SPIRE2: variants seen among roughly 807,000 people sequenced by gnomAD.
The protein encoded by SPIRE2 is protein spire homolog 2.
In SPIRE2, 76 loss-of-function variants were observed where a neutral mutation model predicts 80.7. The ratio of observed to expected loss-of-function variants is 0.94; its 90% confidence interval spans 0.78 to 1.14. The LOEUF (loss-of-function observed/expected upper bound fraction) is 1.14. SPIRE2 is among the 50% of genes most tolerant of loss of function. The pLI, the probability that SPIRE2 is intolerant of heterozygous loss-of-function variation, is 0.00. For synonymous variants in SPIRE2, 535 were observed against 432.6 expected, an observed-to-expected ratio of 1.24 and a Z score of -2.94; for missense variants, 1,196 against 1,015.3, an observed-to-expected ratio of 1.18 and a Z score of -2.42.
At chr16:89,849,797 G>A (rs1468795885) in intron 2 of SPIRE2, 6 of 274,016 alleles carry the variant, frequency 2.2e-5, no homozygotes, top group African/African-American at 9.2e-5. Flanking sequence ...TTAAGAGGTC[G>A]CTACTGTGAA....
In SPIRE2 at chr16:89,870,718, T is replaced by TG; in HGVS notation, c.*450dup. 1 of 166,544 alleles carries TG rather than the reference T, an allele frequency of 6.0e-6. No homozygotes were observed. Among genetic ancestry groups the TG allele is most frequent in the East Asian group, 1.6e-4 (1 of 6,120 alleles). 10.3% of individuals were successfully genotyped at this position (166,544 alleles called of 1,614,324 possible). A position where few individuals can be genotyped will look rare whatever the true frequency, so the allele number is the denominator to read the frequency against. On this transcript the variant is annotated 3_prime_UTR_variant, in exon 15 of 15. Coordinates refer to ENST00000378247, the MANE Select transcript of SPIRE2 (RefSeq NM_032451.2). ...CCTGCTTGCCTCTGCTCTCCCTTTG[T>TG]GGGGACTCAGGCAGCAGAGGCATCT...
At chr16:89,848,169 G>C (rs1567672758) in intron 2 of SPIRE2, among the ~76,000 whole-genome samples, 1 of 152,222 alleles carries the variant, frequency 6.6e-6, no homozygotes, top group Non-Finnish European at 1.5e-5. Flanking sequence ...CCCGCCCTCT[G>C]TCACTGTGCC....
rs558771231 is a variant in SPIRE2 at position 89,847,709 on chromosome 16, G to A, written c.288+2344G>A. On this transcript the variant is annotated intron_variant, in intron 2 of 14. Coordinates refer to ENST00000378247, the MANE Select transcript of SPIRE2 (RefSeq NM_032451.2). Reference sequence around the variant, plus strand: ...CAGTACTGCCCACCTGCTGCCCCAGGCCTGCACCTGCTGTGGGCGGGTGGA... The same window carrying A: ...CAGTACTGCCCACCTGCTGCCCCAGACCTGCACCTGCTGTGGGCGGGTGGA... 8.5e-5 allele frequency among the ~76,000 whole-genome samples: 13 copies of A among 152,342 alleles called. No individual in the cohort carries two copies. The South Asian group carries it at 2.5e-3, about 29-fold the overall frequency.
intron 7 of SPIRE2, 146 bp from the exon 8 acceptor site, chr16:89,858,191 CT>C (rs2041709814): frequency 1.3e-5 from 12 of 900,942 alleles, no homozygotes; most frequent in Middle Eastern, 7.1e-4. Flanking sequence ...GGCCTAGTTC[CT>C]CATTTTTTTA....
At chr16:89,829,425 G>A (rs1475358358) in intron 1 of SPIRE2, among the ~76,000 whole-genome samples, 1 of 152,180 alleles carries the variant, frequency 6.6e-6, no homozygotes, top group African/African-American at 2.4e-5. Context: ...TACCCTTTAC[G>A]AAAAAAACCG....
intron 10 of SPIRE2, among the ~76,000 whole-genome samples, chr16:89,861,133 G>A (rs901171388): frequency 1.6e-4 from 25 of 152,274 alleles, no homozygotes; most frequent in Middle Eastern, 3.4e-3. Flanking sequence ...TCACTGGGTC[G>A]AGACCTTGAC....
chr16:89,850,500 C>A lies in SPIRE2; in HGVS notation c.485C>A (p.Pro162His), dbSNP rs1191380212. 1.3e-5 allele frequency: 20 copies of A among 1,528,312 alleles called. No individual in the cohort carries two copies. Among genetic ancestry groups the A allele is most frequent in the Non-Finnish European group, 1.6e-5 (18 of 1,140,854 alleles). 94.7% of individuals were successfully genotyped at this position (1,528,312 alleles called of 1,614,324 possible). A position where few individuals can be genotyped will look rare whatever the true frequency, so the allele number is the denominator to read the frequency against. ...GAGGAGGAGGAGGCCGAGGGCGTCC[C>A]CCGCAGCGTGCGCACCTTTGCCCAG... Reference protein sequence around the residue: ...PEEEEEAEGVPRSVRTFAQAM... With the variant: ...PEEEEEAEGVHRSVRTFAQAM... The change falls in exon 3 of 15, where the codon CCC becomes CAC. Residue 162 changes from proline (P) to histidine (H), a missense_variant. Coordinates refer to ENST00000378247, the MANE Select transcript of SPIRE2 (RefSeq NM_032451.2).
At chr16:89,851,403 T>C (rs896035376) in intron 3 of SPIRE2, among the ~76,000 whole-genome samples, 9 of 152,022 alleles carry the variant, frequency 5.9e-5, no homozygotes, top group African/African-American at 2.2e-4. Context: ...GGCCGTTCGG[T>C]GAGAAAGCCC....
At position 89,828,786 on chromosome 16, in the gene SPIRE2, A is replaced by G; in HGVS notation, c.236A>G (p.Glu79Gly). 1 of 1,182,562 alleles carries G rather than the reference A, an allele frequency of 8.5e-7. No homozygotes were observed. Among genetic ancestry groups the G allele is most frequent in the Non-Finnish European group, 1.0e-6 (1 of 956,376 alleles). The allele number at this position is 1,182,562 out of a possible 1,614,324, so 73.3% of individuals were successfully genotyped here. ...GGCTCGGTCGGGGCGCGGGAGCCCG[A>G]GGCCGCGGGTGAGGCCGGGGGCGGG... is the stretch of plus-strand genomic sequence containing the variant. ...GDGSVGAREP[E>G]AAEPATMVVP... The change falls in exon 1 of 15, where the codon GAG (glutamate) becomes GGG (glycine). Residue 79 changes from glutamate to glycine, a missense_variant. By Grantham distance (98) the Glu-to-Gly change is moderately conservative. Transcript: ENST00000378247. The surrounding 1 kb of genome is among the most constrained non-coding windows in gnomAD (Gnocchi z 5.9).
chr16:89,855,884 C>G, intron 6 of SPIRE2, 198 bp downstream of exon 6: 1 of 948,450 alleles, frequency 1.1e-6, no homozygotes, highest in Non-Finnish European at 1.5e-6. Context: ...GGCCCTTTTT[C>G]TGGGAAGGGG....
chr16:89,868,695 A>T (rs936456688), intron 13 of SPIRE2, among the ~76,000 whole-genome samples: 7 of 151,986 alleles, frequency 4.6e-5, no homozygotes, highest in Non-Finnish European at 1.0e-4. Context: ...TCTACTAAAA[A>T]TACAAAAAAA....
At chr16:89,849,844 C>CTTT in intron 2 of SPIRE2, 4 of 245,548 alleles carry the variant, frequency 1.6e-5, no homozygotes, top group Non-Finnish European at 2.4e-5. Flanking sequence ...AAAAAAACTT[C>CTTT]TTTTTTTTTT....
In SPIRE2 at chr16:89,843,675, TTTTTTG is replaced by T. The variant is rs1308444820; in HGVS notation, c.245-1643_245-1638del. ...TGCTGCCTTGCTGCCACGTTTTTTT[TTTTTTG>T]TTTGTTTTTGTTTTTTGTTTTTTTT... On this transcript the variant is annotated intron_variant, in intron 1 of 14. Coordinates refer to ENST00000378247, the MANE Select transcript of SPIRE2 (RefSeq NM_032451.2). Among the ~76,000 whole-genome samples, 198 of 34,958 alleles carry T rather than the reference TTTTTTG, an allele frequency of 5.7e-3. 2 individuals are homozygous for T. Among genetic ancestry groups the T allele is most frequent in the South Asian group, 0.027 (18 of 660 alleles). 22.9% of individuals were successfully genotyped at this position (34,958 alleles called of 152,430 possible).
chr16:89,855,501 C>T (rs536182394), intron 5 of SPIRE2, 99 bp from the exon 6 acceptor site: 11 of 1,050,750 alleles, frequency 1.0e-5, no homozygotes, highest in South Asian at 2.9e-5. Context: ...CGGGTAGGTG[C>T]GAAGACCAGG....
chr16:89,869,053 AAT>A lies in SPIRE2; in HGVS notation c.1807-493_1807-492del, dbSNP rs1555601129. On this transcript the variant is annotated intron_variant, in intron 13 of 14. Transcript: ENST00000378247. ...TCTTAAAAAAAAAAAAAAAAAAAAA[AAT>A]ATATATATATATATATATATGTTAC... Among the ~76,000 whole-genome samples the A allele has an allele frequency of 6.5e-3, 156 of 24,008 alleles. 17 individuals carry two copies. In the South Asian group the frequency reaches 0.14, roughly 21 times the overall value. 15.8% of individuals were successfully genotyped at this position (24,008 alleles called of 152,430 possible). A position where few individuals can be genotyped will look rare whatever the true frequency, so the allele number is the denominator to read the frequency against.
rs560955912 is a variant in SPIRE2 at position 89,844,730 on chromosome 16, G to A, written c.245-592G>A. ...CGGGATTACAGGCGTGAGCCACCGC[G>A]CCTGGCCCTCCCAAAGTAATTTTAA... On this transcript the variant is annotated intron_variant, in intron 1 of 14. Transcript: ENST00000378247. Among the ~76,000 whole-genome samples, 28 of 152,274 alleles carry A rather than the reference G, an allele frequency of 1.8e-4. No homozygotes were observed. In the South Asian group the frequency reaches 3.3e-3, roughly 18 times the overall value.
At chr16:89,855,935 G>T in intron 6 of SPIRE2, 178 bp from the exon 7 acceptor site, 1 of 1,207,474 alleles carries the variant, frequency 8.3e-7, no homozygotes, top group South Asian at 1.6e-5. Flanking sequence ...TGCATGCGGA[G>T]CCCAGAGCCC....
intron 7 of SPIRE2, among the ~76,000 whole-genome samples, chr16:89,857,508 A>G (rs1340837103): frequency 6.6e-6 from 1 of 152,016 alleles, no homozygotes; most frequent in Non-Finnish European, 1.5e-5. Context: ...CAATAGTATG[A>G]CATATTTCAG....
At chr16:89,845,776 C>A (rs908281939) in intron 2 of SPIRE2, 5 of 601,180 alleles carry the variant, frequency 8.3e-6, no homozygotes, top group Admixed American at 2.9e-5. Flanking sequence ...GGAACCTCAC[C>A]GCAGGGCAGG....
Sources: allele counts gnomAD v4.1 joint callset (sites outside exome capture counted in the v4.1 genomes callset), GRCh38; gene constraint gnomAD v4.1.1; non-coding constraint Gnocchi (gnomAD v3.1); transcripts MANE v1.5; gene names NCBI Gene and HGNC (gene_info 2026-07-23, HGNC 2026-07-21).